THRAP3: variants seen among roughly 807,000 people sequenced by gnomAD.
The protein encoded by THRAP3 is thyroid hormone receptor-associated protein 3.
THRAP3 carries 16 observed loss-of-function variants against 101.0 expected under a neutral mutation model. That is an observed-to-expected ratio of 0.16 (90% CI 0.11 to 0.24). THRAP3 has a LOEUF of 0.24. THRAP3 is among the 10% of genes least tolerant of loss of function. The pLI is 1.00. For missense variants in THRAP3, 989 were observed against 1,202.7 expected, an observed-to-expected ratio of 0.82 and a Z score of 2.63; for synonymous variants, 407 against 422.6, an observed-to-expected ratio of 0.96 and a Z score of 0.45.
intron 2 of THRAP3, among the ~76,000 whole-genome samples, chr1:36,279,028 C>T (rs967739364): frequency 4.6e-5 from 7 of 152,052 alleles, no homozygotes; most frequent in African/African-American, 1.2e-4. Flanking sequence ...AGTCGGGGGG[C>T]GTCACAGTAT....
At chr1:36,250,800 C>G (rs1234891797) in intron 1 of THRAP3, among the ~76,000 whole-genome samples, 1 of 151,698 alleles carries the variant, frequency 6.6e-6, no homozygotes, top group Non-Finnish European at 1.5e-5. Flanking sequence ...GTAATCCCAT[C>G]TATTGGCGCA....
intron 1 of THRAP3, among the ~76,000 whole-genome samples, chr1:36,228,861 A>G (rs568233215): frequency 3.9e-5 from 6 of 152,268 alleles, no homozygotes; most frequent in Admixed American, 3.9e-4. Context: ...TAGGCTGGGC[A>G]TGGTGGCTCA....
intron 1 of THRAP3, among the ~76,000 whole-genome samples, chr1:36,244,647 C>T (rs758672863): frequency 3.1e-4 from 47 of 151,588 alleles, no homozygotes; most frequent in Non-Finnish European, 5.2e-4. Context: ...CCTGTGAGTT[C>T]TATTTCCATT....
At chr1:36,233,950 A>AT (rs1209231161) in intron 1 of THRAP3, among the ~76,000 whole-genome samples, 1 of 151,560 alleles carries the variant, frequency 6.6e-6, no homozygotes, top group Non-Finnish European at 1.5e-5. Context: ...TTAACATTTC[A>AT]TTTTTTCTTT....
intron 9 of THRAP3, among the ~76,000 whole-genome samples, chr1:36,298,737 A>G (rs1484833036): frequency 6.6e-6 from 1 of 152,078 alleles, no homozygotes; most frequent in Admixed American, 6.5e-5. Context: ...CTTGGCCTCA[A>G]GTGATTCCCA....
At chr1:36,278,500 G>A (rs555603172) in intron 2 of THRAP3, among the ~76,000 whole-genome samples, 15 of 152,162 alleles carry the variant, frequency 9.9e-5, no homozygotes, top group Non-Finnish European at 2.1e-4. Context: ...GAGTCAAGAA[G>A]GCTTGGGCTT....
intron 1 of THRAP3, among the ~76,000 whole-genome samples, chr1:36,243,166 T>A (rs1157637338): frequency 6.6e-6 from 1 of 150,444 alleles, no homozygotes; most frequent in Non-Finnish European, 1.5e-5. Context: ...TTTTTTTTTT[T>A]TTTTTTTGCT....
chr1:36,233,260 C>T (rs61775902), intron 1 of THRAP3, among the ~76,000 whole-genome samples: 44,378 of 151,070 alleles, frequency 0.29, 7,538 homozygotes, highest in Middle Eastern at 0.45. Context: ...GTAATCCCAG[C>T]ACTTTGGGAG....
the THRAP3 span, among the ~76,000 whole-genome samples, chr1:36,216,444 C>T: frequency 1.4e-5 from 2 of 139,592 alleles, no homozygotes; most frequent in African/African-American, 2.8e-5. Context: ...AACTGGGATA[C>T]GGAGATCGCG....
the THRAP3 span, among the ~76,000 whole-genome samples, chr1:36,215,895 G>A: frequency 6.6e-6 from 1 of 151,918 alleles, no homozygotes; most frequent in Non-Finnish European, 1.5e-5. Flanking sequence ...GATTACAGGT[G>A]TGTGCCATCA....
At chr1:36,287,366 A>G in intron 4 of THRAP3, 96 bp downstream of exon 4, 1 of 1,420,308 alleles carries the variant, frequency 7.0e-7, no homozygotes. Flanking sequence ...GATTAATGGT[A>G]AAAGGTAATC....
intron 1 of THRAP3, among the ~76,000 whole-genome samples, chr1:36,243,933 C>T (rs1223408554): frequency 7.9e-5 from 9 of 113,228 alleles, no homozygotes; most frequent in Non-Finnish European, 1.7e-4. Flanking sequence ...GCTGACCCCC[C>T]CACCTCCCTC....
intron 1 of THRAP3, among the ~76,000 whole-genome samples, chr1:36,240,875 A>T (rs1645146438): frequency 6.6e-6 from 1 of 152,188 alleles, no homozygotes; most frequent in Non-Finnish European, 1.5e-5. Context: ...TAAGCAAAAT[A>T]GGTAAAGTGT....
chr1:36,269,377 C>T (rs1570297929), intron 2 of THRAP3, among the ~76,000 whole-genome samples: 1 of 151,990 alleles, frequency 6.6e-6, no homozygotes, highest in Admixed American at 6.6e-5. Context: ...TCTCCCCTCT[C>T]GTGATACTTT....
upstream of THRAP3, among the ~76,000 whole-genome samples, chr1:36,220,973 ATATATATAT>A (rs1240798666): frequency 2.5e-5 from 2 of 80,632 alleles, no homozygotes; most frequent in Admixed American, 1.4e-4. Context: ...AAAAAAAAAA[ATATATATAT>A]ATATATATAT....
upstream of THRAP3, among the ~76,000 whole-genome samples, chr1:36,220,815 T>C (rs1397298655): frequency 1.3e-5 from 2 of 151,194 alleles, no homozygotes; most frequent in Non-Finnish European, 2.9e-5. Context: ...ATTATCTGGG[T>C]GAGGTGGCGG....
At chr1:36,244,170 T>C (rs1191370281) in intron 1 of THRAP3, among the ~76,000 whole-genome samples, 1 of 152,228 alleles carries the variant, frequency 6.6e-6, no homozygotes, top group Non-Finnish European at 1.5e-5. Flanking sequence ...TATAAATTGC[T>C]ATTGGATTAG....
At chr1:36,216,521 G>T in the THRAP3 span, among the ~76,000 whole-genome samples, 18 of 139,752 alleles carry the variant, frequency 1.3e-4, no homozygotes, top group Non-Finnish European at 2.6e-4. Flanking sequence ...AAAAAAAAAT[G>T]CCGGGTGTGG....
At chr1:36,278,126 G>A (rs1399745078) in intron 2 of THRAP3, among the ~76,000 whole-genome samples, 2 of 147,518 alleles carry the variant, frequency 1.4e-5, no homozygotes, top group East Asian at 2.0e-4. Context: ...GTGCACTGGC[G>A]TGATCTTCGC....
Sources: allele counts gnomAD v4.1 joint callset (sites outside exome capture counted in the v4.1 genomes callset), GRCh38; gene constraint gnomAD v4.1.1; transcripts MANE v1.5; gene names NCBI Gene and HGNC (gene_info 2026-07-23, HGNC 2026-07-21).